Variants in SH3PXD2A observed in about 807,000 individuals in gnomAD.
SH3PXD2A encodes SH3 and PX domains 2A, also known as SH3 and PX domain-containing protein 2A.
SH3PXD2A carries 32 observed loss-of-function variants against 115.2 expected under a neutral mutation model. The ratio of observed to expected loss-of-function variants is 0.28; its 90% CI spans 0.21 to 0.37. The LOEUF (loss-of-function observed/expected upper bound fraction) is 0.37. SH3PXD2A is among the 10% of genes least tolerant of loss of function. The pLI is 1.00. For synonymous variants in SH3PXD2A, 610 were observed against 629.1 expected, an observed-to-expected ratio of 0.97 and a Z score of 0.45; for missense variants, 1,328 against 1,498.7, an observed-to-expected ratio of 0.89 and a Z score of 1.88.
intron 3 of SH3PXD2A, chr10:103,736,824 C>T: frequency 7.8e-7 from 1 of 1,281,774 alleles, no homozygotes. Context: ...TACCTAATTT[C>T]CCCCTGGAGA....
intron 11 of SH3PXD2A, among the ~76,000 whole-genome samples, chr10:103,616,687 T>C (rs1342385569): frequency 6.6e-6 from 1 of 152,172 alleles, no homozygotes; most frequent in East Asian, 1.9e-4. Flanking sequence ...GGACAGCCAG[T>C]CCCCATCCAC....
intron 1 of SH3PXD2A, among the ~76,000 whole-genome samples, chr10:103,836,707 C>CACACACACA (rs1564900995): frequency 1.7e-5 from 1 of 59,130 alleles, no homozygotes; most frequent in East Asian, 8.3e-4. Context: ...ACACACACAC[C>CACACACACA]CCTTCTTTTC....
chr10:103,648,591 C>A (rs968451266), intron 8 of SH3PXD2A, among the ~76,000 whole-genome samples: 1 of 152,254 alleles, frequency 6.6e-6, no homozygotes, highest in African/African-American at 2.4e-5. Flanking sequence ...AGCCTCTCTG[C>A]TTTCAGCAGT....
chr10:103,639,985 GT>G (rs1326734316), intron 8 of SH3PXD2A, among the ~76,000 whole-genome samples: 1 of 152,134 alleles, frequency 6.6e-6, no homozygotes, highest in Non-Finnish European at 1.5e-5. Flanking sequence ...CAAAAAGGGT[GT>G]TTTCCCTGCT....
chr10:103,761,958 A>G (rs1442121001), intron 3 of SH3PXD2A, among the ~76,000 whole-genome samples: 1 of 150,902 alleles, frequency 6.6e-6, no homozygotes, highest in Admixed American at 6.6e-5. Context: ...ACTGGAGGGA[A>G]GGTATGCAGA....
At chr10:103,752,507 A>G (rs2038590088) in intron 3 of SH3PXD2A, among the ~76,000 whole-genome samples, 1 of 152,174 alleles carries the variant, frequency 6.6e-6, no homozygotes, top group Admixed American at 6.5e-5. Context: ...ATCTATTACA[A>G]TGCACAGAAG....
chr10:103,713,966 A>G (rs980708301), intron 5 of SH3PXD2A, among the ~76,000 whole-genome samples: 3 of 152,180 alleles, frequency 2.0e-5, no homozygotes, highest in African/African-American at 4.8e-5. Context: ...CATAGAGATG[A>G]TCTAGAAACA....
intron 3 of SH3PXD2A, 84 bp from the exon 4 acceptor site, chr10:103,735,892 A>C: frequency 1.9e-6 from 2 of 1,056,504 alleles, no homozygotes; most frequent in South Asian, 2.5e-5. Flanking sequence ...TTGGCTTCTC[A>C]GCATCTTAGT....
intron 1 of SH3PXD2A, among the ~76,000 whole-genome samples, chr10:103,807,152 GC>G: frequency 6.6e-6 from 1 of 152,320 alleles, no homozygotes; most frequent in African/African-American, 2.4e-5. Flanking sequence ...TGAGAATGAA[GC>G]CTAGCCCATT....
intron 4 of SH3PXD2A, 98 bp downstream of exon 4, chr10:103,735,634 A>G: frequency 1.0e-6 from 1 of 977,572 alleles, no homozygotes; most frequent in South Asian, 1.3e-5. Flanking sequence ...GGTTCTGTAC[A>G]GCAACCTTTC....
chr10:103,820,738 G>C (rs918631668), intron 1 of SH3PXD2A, among the ~76,000 whole-genome samples: 3 of 152,166 alleles, frequency 2.0e-5, no homozygotes, highest in African/African-American at 7.2e-5. Context: ...AGGGGCGGGG[G>C]GGTTGGGCGC....
chr10:103,689,025 T>G (rs928311597), intron 6 of SH3PXD2A, among the ~76,000 whole-genome samples: 1 of 152,074 alleles, frequency 6.6e-6, no homozygotes, highest in African/African-American at 2.4e-5. Context: ...CACCACTACA[T>G]CCGGCTAATT....
At chr10:103,728,195 G>C (rs185753997) in intron 4 of SH3PXD2A, among the ~76,000 whole-genome samples, 46 of 152,362 alleles carry the variant, frequency 3.0e-4, no homozygotes, top group Non-Finnish European at 1.9e-4. Context: ...GCCATTTATG[G>C]GCTGTGTGAG....
intron 5 of SH3PXD2A, among the ~76,000 whole-genome samples, chr10:103,713,041 G>A (rs955496963): frequency 2.6e-5 from 4 of 152,234 alleles, no homozygotes; most frequent in African/African-American, 9.6e-5. Flanking sequence ...CACGGCTTTA[G>A]TACAGCATCA....
Position 103,665,667 on chromosome 10 carries a change from G to A in SH3PXD2A, c.472+2941C>T, listed in dbSNP as rs1209744484. Among the ~76,000 whole-genome samples, 1 of 152,198 alleles carries A rather than the reference G, an allele frequency of 6.6e-6. No homozygotes were observed. The highest frequency in any genetic ancestry group is 1.5e-5 in the Non-Finnish European group (1 of 68,038). On this transcript the variant is annotated intron_variant, in intron 7 of 14. Transcript: ENST00000369774. The surrounding 1 kb of genome is among the most constrained non-coding windows in gnomAD (Gnocchi z 4.0). ...GGGAGCTGCGAGCAGGTATCCAGAT[G>A]AGAAACCACTTGCAGGCCAGGCAGG... is the stretch of plus-strand genomic sequence containing the variant.
At chr10:103,795,207 T>C (rs1391034327) in intron 2 of SH3PXD2A, among the ~76,000 whole-genome samples, 1 of 152,244 alleles carries the variant, frequency 6.6e-6, no homozygotes, top group Non-Finnish European at 1.5e-5. Flanking sequence ...ATTTAATTTT[T>C]AAAATTTAAT....
At chr10:103,853,548 G>GTCT (rs542418374) in intron 1 of SH3PXD2A, among the ~76,000 whole-genome samples, 47 of 152,336 alleles carry the variant, frequency 3.1e-4, no homozygotes, top group African/African-American at 1.1e-3. Context: ...GAGCAAGACC[G>GTCT]TCTAACTTCA....
At chr10:103,678,142 C>A (rs182810465) in intron 6 of SH3PXD2A, 1 of 1,289,010 alleles carries the variant, frequency 7.8e-7, no homozygotes, top group Admixed American at 2.3e-5. Context: ...GGAGCAGGAA[C>A]GACCCGTTCA....
At chr10:103,619,840 A>G (rs978840482) in intron 10 of SH3PXD2A, among the ~76,000 whole-genome samples, 2 of 152,148 alleles carry the variant, frequency 1.3e-5, no homozygotes, top group African/African-American at 4.8e-5. Context: ...CCTGGATGGG[A>G]GGCTCGTCCT....
Sources: allele counts gnomAD v4.1 joint callset (sites outside exome capture counted in the v4.1 genomes callset), GRCh38; gene constraint gnomAD v4.1.1; non-coding constraint Gnocchi (gnomAD v3.1); transcripts MANE v1.5; gene names NCBI Gene and HGNC (gene_info 2026-07-23, HGNC 2026-07-21).